ARHGAP18: variants seen among roughly 807,000 people sequenced by gnomAD.
ARHGAP18 encodes rho GTPase-activating protein 18.
In ARHGAP18, 67 loss-of-function variants were observed where a neutral mutation model predicts 86.2. That is an observed-to-expected ratio of 0.78 (90% CI 0.64 to 0.95). ARHGAP18 has a LOEUF of 0.95. ARHGAP18 is among the 40% of genes least tolerant of loss of function. The pLI, the probability that ARHGAP18 is intolerant of heterozygous loss-of-function variation, is 0.00. For missense variants in ARHGAP18, 691 were observed against 780.4 expected (o/e 0.89, Z 1.37); for synonymous variants, 283 against 280.4 (o/e 1.01, Z -0.09).
intron 1 of ARHGAP18, among the ~76,000 whole-genome samples, chr6:129,703,652 A>T (rs916404898): frequency 1.3e-5 from 2 of 152,266 alleles, no homozygotes; most frequent in Non-Finnish European, 2.9e-5. Flanking sequence ...CAAATATCAC[A>T]TGTCTGTGAA....
intron 12 of ARHGAP18, among the ~76,000 whole-genome samples, chr6:129,591,665 T>A (rs1014178427): frequency 2.6e-5 from 4 of 152,172 alleles, no homozygotes; most frequent in Non-Finnish European, 5.9e-5. Context: ...CTCTAGAGAT[T>A]AGAAATTTAA....
chr6:129,659,234 T>C (rs1773900761), intron 1 of ARHGAP18, among the ~76,000 whole-genome samples: 1 of 152,224 alleles, frequency 6.6e-6, no homozygotes, highest in South Asian at 2.1e-4. Context: ...AGGGTAGCTT[T>C]AGAATGAATG....
At chr6:129,585,616 G>A (rs1489654156) in intron 12 of ARHGAP18, among the ~76,000 whole-genome samples, 3 of 152,184 alleles carry the variant, frequency 2.0e-5, no homozygotes, top group Non-Finnish European at 4.4e-5. Context: ...GCTGCAGAGT[G>A]GGTGGTGCCC....
intron 12 of ARHGAP18, among the ~76,000 whole-genome samples, chr6:129,595,198 T>C (rs182953583): frequency 1.3e-5 from 2 of 152,330 alleles, no homozygotes; most frequent in East Asian, 1.9e-4. Flanking sequence ...ATTAAAATCA[T>C]AGCTATTACC....
intron 1 of ARHGAP18, among the ~76,000 whole-genome samples, chr6:129,683,075 T>TTTTTG (rs1774352842): frequency 6.8e-6 from 1 of 146,094 alleles, no homozygotes; most frequent in African/African-American, 2.6e-5. Context: ...TTTTGTTTTT[T>TTTTTG]TTTTTGTTTT....
At chr6:129,610,482 C>T (rs969213887) in intron 8 of ARHGAP18, among the ~76,000 whole-genome samples, 1 of 152,218 alleles carries the variant, frequency 6.6e-6, no homozygotes, top group Non-Finnish European at 1.5e-5. Context: ...ACCAGCCAGA[C>T]TCAGGCTACC....
At chr6:129,631,966 T>C (rs557442883) in intron 4 of ARHGAP18, among the ~76,000 whole-genome samples, 1 of 152,298 alleles carries the variant, frequency 6.6e-6, no homozygotes, top group East Asian at 1.9e-4. Flanking sequence ...GTGACAACCC[T>C]TGCAACTATA....
intron 1 of ARHGAP18, among the ~76,000 whole-genome samples, chr6:129,665,461 G>A (rs542202268): frequency 1.3e-3 from 197 of 152,226 alleles, no homozygotes; most frequent in African/African-American, 4.5e-3. Flanking sequence ...GAGGTGGGAG[G>A]ATGGCTTGAG....
intron 5 of ARHGAP18, among the ~76,000 whole-genome samples, chr6:129,625,894 TTATATATTTATATA>T (rs1789442641): frequency 1.3e-5 from 1 of 74,958 alleles, no homozygotes; most frequent in Non-Finnish European, 2.5e-5. Context: ...ATATTATATA[TTATATATTTATATA>T]TTATATATTA....
chr6:129,683,415 T>C (rs938300951), intron 1 of ARHGAP18, among the ~76,000 whole-genome samples: 10 of 152,210 alleles, frequency 6.6e-5, no homozygotes, highest in Non-Finnish European at 1.2e-4. Flanking sequence ...AGCACAGGGT[T>C]GTTGGTTTTT....
intron 12 of ARHGAP18, chr6:129,598,726 A>C (rs1210861705): frequency 1.3e-5 from 2 of 152,170 alleles, no homozygotes; most frequent in Non-Finnish European, 2.9e-5. Context: ...GAACCTTCAA[A>C]TACTTATTAA....
chr6:129,641,728 A>ATTTTT, intron 2 of ARHGAP18, 88 bp downstream of exon 2: 1 of 1,155,186 alleles, frequency 8.7e-7, no homozygotes, highest in Non-Finnish European at 1.2e-6. Context: ...CCTAGCTTTA[A>ATTTTT]TTTTTTTTTT....
At chr6:129,605,813 C>A in intron 10 of ARHGAP18, 64 bp downstream of exon 10, 1 of 1,445,976 alleles carries the variant, frequency 6.9e-7, no homozygotes. Flanking sequence ...TGTTTTGCCA[C>A]AAATAATGAA....
chr6:129,676,913 CTCTTT>C (rs1266064566), intron 1 of ARHGAP18, among the ~76,000 whole-genome samples: 12 of 34,586 alleles, frequency 3.5e-4, no homozygotes, highest in African/African-American at 8.5e-4. Flanking sequence ...ATTTTTTGTC[CTCTTT>C]TTTTTTTTTT....
chr6:129,590,733 C>T (rs560023887), intron 12 of ARHGAP18, among the ~76,000 whole-genome samples: 319 of 152,294 alleles, frequency 2.1e-3, no homozygotes, highest in Non-Finnish European at 3.5e-3. Context: ...ACATGGTTTT[C>T]ATTAAACCTT....
At chr6:129,648,637 G>A (rs772932464) in intron 1 of ARHGAP18, among the ~76,000 whole-genome samples, 4 of 151,666 alleles carry the variant, frequency 2.6e-5, no homozygotes, top group Non-Finnish European at 5.9e-5. Flanking sequence ...GTCATGCTGG[G>A]CATAACTTTA....
At chr6:129,635,551 T>C (rs922751888) in intron 3 of ARHGAP18, among the ~76,000 whole-genome samples, 3 of 152,190 alleles carry the variant, frequency 2.0e-5, no homozygotes, top group Admixed American at 2.0e-4. Context: ...GAACACATAT[T>C]TTGGAGCATG....
chr6:129,667,905 G>T (rs72986972), intron 1 of ARHGAP18, among the ~76,000 whole-genome samples: 7,626 of 152,256 alleles, frequency 0.05, 258 homozygotes, highest in Admixed American at 0.079. Context: ...AAAAGCAAGG[G>T]AAGAAAGCAT....
chr6:129,625,922 ATATT>A lies in ARHGAP18; in HGVS notation c.786+3427_786+3430del, dbSNP rs1424983150. On this transcript the variant is annotated intron_variant, in intron 5 of 14. Coordinates refer to ENST00000368149, the MANE Select transcript of ARHGAP18 (RefSeq NM_033515.3). ...TATATTTATATATTATATATTATAG[ATATT>A]TATATATTATATATTATATATTTAT... Among the ~76,000 whole-genome samples the A allele has an allele frequency of 1.8e-4, 5 of 28,370 alleles. No individual in the cohort carries two copies. The East Asian group carries it at 2.5e-3, about 14-fold the overall frequency. 18.6% of individuals were successfully genotyped at this position (28,370 alleles called of 152,430 possible).
Sources: allele counts gnomAD v4.1 joint callset (sites outside exome capture counted in the v4.1 genomes callset), GRCh38; gene constraint gnomAD v4.1.1; transcripts MANE v1.5; gene names NCBI Gene and HGNC (gene_info 2026-07-23, HGNC 2026-07-21).